HDAC4: variants seen among roughly 807,000 people sequenced by gnomAD.
The protein encoded by HDAC4 is histone deacetylase 4.
In HDAC4, 16 loss-of-function variants were observed where a neutral mutation model predicts 135.1. The ratio of observed to expected loss-of-function variants is 0.12; its 90% confidence interval spans 0.08 to 0.18. HDAC4 has a LOEUF of 0.18. Among genes scored for constraint, HDAC4 ranks in the 10% least tolerant of loss-of-function variants. The pLI is 1.00. For synonymous variants in HDAC4, 685 were observed against 653.4 expected (o/e 1.05, Z -0.74); for missense variants, 1,143 against 1,511.8 (o/e 0.76, Z 4.05).
In HDAC4 at chr2:239,188,942, T is replaced by A. The variant is rs1024713434; in HGVS notation, c.339+891A>T. On this transcript the variant is annotated intron_variant, in intron 4 of 26. Transcript: ENST00000543185. ...GATGAGACCACAGCCCTGCCTGACA[T>A]CTTAATAACAACATAATGGGAGACC... 2.6e-5 allele frequency among the ~76,000 whole-genome samples: 4 copies of A among 152,240 alleles called. No homozygotes were observed. In the East Asian group the frequency reaches 7.7e-4, roughly 29 times the overall value.
intron 6 of HDAC4, among the ~76,000 whole-genome samples, chr2:239,162,910 TC>T: frequency 6.6e-6 from 1 of 152,178 alleles, no homozygotes; most frequent in East Asian, 1.9e-4. Flanking sequence ...CTATTTTTTT[TC>T]CAACGAAATT....
intron 2 of HDAC4, among the ~76,000 whole-genome samples, chr2:239,350,274 TA>T (rs553735759): frequency 3.7e-4 from 56 of 150,226 alleles, no homozygotes; most frequent in Non-Finnish European, 6.4e-4. Flanking sequence ...TTTTAAGCTT[TA>T]AAAAAAAACA....
intron 11 of HDAC4, among the ~76,000 whole-genome samples, chr2:239,128,837 A>C (rs1397631299): frequency 2.6e-5 from 4 of 152,124 alleles, no homozygotes; most frequent in Admixed American, 2.6e-4. Flanking sequence ...GGACACGCCA[A>C]CTTCATAGGA....
chr2:239,346,555 TCACACACACA>T (rs146910085), intron 2 of HDAC4, among the ~76,000 whole-genome samples: 1 of 85,958 alleles, frequency 1.2e-5, no homozygotes, highest in Admixed American at 1.0e-4. Flanking sequence ...AAACACACCT[TCACACACACA>T]CACACACACA....
intron 5 of HDAC4, among the ~76,000 whole-genome samples, chr2:239,170,850 C>T (rs1207348566): frequency 6.6e-6 from 1 of 152,084 alleles, no homozygotes; most frequent in Non-Finnish European, 1.5e-5. Flanking sequence ...GATAGGGCCA[C>T]AAAAACTGAG....
chr2:239,111,677 C>T lies in HDAC4; in HGVS notation c.1827G>A (p.Gln609=), dbSNP rs776896073. 17 of 1,603,828 alleles carry T rather than the reference C, an allele frequency of 1.1e-5. No homozygotes were observed. Among genetic ancestry groups the T allele is most frequent in the Non-Finnish European group, 1.4e-5 (16 of 1,175,860 alleles). The stretch of plus-strand genomic sequence containing the variant: ...CCATGGACGCCTGGTAGTTCCTCAG[C>T]TGGTGGATCCGCTGCTGCTCCAGCA... ...ALLLEQQRIH[Q]LRNYQASMEA... is the part of the protein sequence containing the mutation. The change falls in exon 14 of 27, where the codon CAG becomes CAA. Residue 609 remains glutamine, a synonymous_variant. Transcript: ENST00000543185.
intron 1 of HDAC4, among the ~76,000 whole-genome samples, chr2:239,362,596 C>G (rs535084847): frequency 6.6e-6 from 1 of 152,320 alleles, no homozygotes; most frequent in South Asian, 2.1e-4. Context: ...CCACCATGGC[C>G]TCAGCCTGCC....
At chr2:239,356,895 A>T (rs1000641104) in intron 1 of HDAC4, among the ~76,000 whole-genome samples, 1 of 152,200 alleles carries the variant, frequency 6.6e-6, no homozygotes. Context: ...AAATAATAAA[A>T]GCATAAGAAG....
At chr2:239,171,483 A>C (rs1298242325) in intron 5 of HDAC4, among the ~76,000 whole-genome samples, 1 of 152,218 alleles carries the variant, frequency 6.6e-6, no homozygotes, top group Non-Finnish European at 1.5e-5. Flanking sequence ...AGACACAAAA[A>C]TAACTTAAGA....
intron 2 of HDAC4, among the ~76,000 whole-genome samples, chr2:239,239,940 T>C (rs1225156826): frequency 2.0e-5 from 3 of 152,192 alleles, no homozygotes; most frequent in African/African-American, 7.2e-5. Context: ...TAACCCCACA[T>C]GTGGAGGCCC....
chr2:239,325,068 C>T (rs2053431417), intron 2 of HDAC4, among the ~76,000 whole-genome samples: 1 of 152,244 alleles, frequency 6.6e-6, no homozygotes, highest in African/African-American at 2.4e-5. Flanking sequence ...ACCCCTACCT[C>T]ATACCATATG....
chr2:239,364,474 G>A (rs1170630048), intron 1 of HDAC4, among the ~76,000 whole-genome samples: 1 of 152,190 alleles, frequency 6.6e-6, no homozygotes, highest in African/African-American at 2.4e-5. Flanking sequence ...GTGAAAACAG[G>A]CAACACTAAT....
intron 1 of HDAC4, among the ~76,000 whole-genome samples, chr2:239,361,577 A>T (rs955233363): frequency 1.3e-5 from 2 of 152,226 alleles, no homozygotes; most frequent in African/African-American, 4.8e-5. Context: ...TGGAGTTAAG[A>T]ACAAACGATT....
At chr2:239,392,874 G>A (rs1696321228) in intron 1 of HDAC4, among the ~76,000 whole-genome samples, 1 of 152,206 alleles carries the variant, frequency 6.6e-6, no homozygotes, top group African/African-American at 2.4e-5. Flanking sequence ...GCCAGGCTGG[G>A]CTCAGCCTCA....
chr2:239,242,163 A>T (rs551049358), intron 2 of HDAC4, among the ~76,000 whole-genome samples: 1 of 150,350 alleles, frequency 6.7e-6, no homozygotes, highest in South Asian at 2.1e-4. Flanking sequence ...AGAAAGAAAG[A>T]AAAGAGAAAG....
At chr2:239,363,123 T>C (rs1575751962) in intron 1 of HDAC4, among the ~76,000 whole-genome samples, 1 of 152,186 alleles carries the variant, frequency 6.6e-6, no homozygotes, top group South Asian at 2.1e-4. Flanking sequence ...GAATTCTACA[T>C]AGAAAACTAT....
chr2:239,101,050 CG>C (rs1363402894), intron 16 of HDAC4, among the ~76,000 whole-genome samples: 2 of 152,148 alleles, frequency 1.3e-5, no homozygotes, highest in East Asian at 3.9e-4. Context: ...CCTGAGCTGT[CG>C]GAGTCTGTGG....
intron 2 of HDAC4, among the ~76,000 whole-genome samples, chr2:239,323,675 T>C (rs1307638575): frequency 6.6e-6 from 1 of 152,048 alleles, no homozygotes; most frequent in Non-Finnish European, 1.5e-5. Flanking sequence ...CGTGTGGACA[T>C]GGGAGAGGTA....
intron 17 of HDAC4, chr2:239,091,955 C>T (rs1244190683): frequency 6.6e-6 from 1 of 151,986 alleles, no homozygotes; most frequent in Non-Finnish European, 1.5e-5. Flanking sequence ...CCTGTAGTCC[C>T]AGCTACACGG....
Sources: allele counts gnomAD v4.1 joint callset (sites outside exome capture counted in the v4.1 genomes callset), GRCh38; gene constraint gnomAD v4.1.1; transcripts MANE v1.5; gene names NCBI Gene and HGNC (gene_info 2026-07-23, HGNC 2026-07-21).